ADAMTSL1: variants seen among roughly 807,000 people sequenced by gnomAD.
The protein encoded by ADAMTSL1 is ADAMTS-like protein 1.
ADAMTSL1 carries 126 observed loss-of-function variants against 201.8 expected under a neutral mutation model. The observed-to-expected ratio is 0.62, with a 90% CI of 0.54 to 0.72. The LOEUF (loss-of-function observed/expected upper bound fraction) is 0.72. ADAMTSL1 is among the 30% of genes least tolerant of loss of function. ADAMTSL1 has a pLI of 0.00. For missense variants in ADAMTSL1, 2,679 were observed against 2,277.8 expected (o/e 1.18, Z -3.59); for synonymous variants, 1,121 against 903.4 (o/e 1.24, Z -4.32).
At chr9:18,141,121 G>T (rs1246095972) in intron 1 of ADAMTSL1, among the ~76,000 whole-genome samples, 1 of 152,206 alleles carries the variant, frequency 6.6e-6, no homozygotes, top group African/African-American at 2.4e-5. Flanking sequence ...TGGGCTCGAA[G>T]CTAGTAGTGT....
intron 2 of ADAMTSL1, among the ~76,000 whole-genome samples, chr9:18,459,322 G>T (rs1365343244): frequency 6.6e-6 from 1 of 152,056 alleles, no homozygotes; most frequent in Non-Finnish European, 1.5e-5. Context: ...GTATTTCATT[G>T]GTCAGACTTT....
At chr9:18,839,086 A>G (rs1457074844) in intron 23 of ADAMTSL1, among the ~76,000 whole-genome samples, 2 of 149,900 alleles carry the variant, frequency 1.3e-5, no homozygotes, top group African/African-American at 2.5e-5. Context: ...CACAATGTGC[A>G]GGTTACTTAC....
At chr9:17,979,188 A>C (rs1316269904) in intron 1 of ADAMTSL1, among the ~76,000 whole-genome samples, 1 of 152,134 alleles carries the variant, frequency 6.6e-6, no homozygotes, top group African/African-American at 2.4e-5. Context: ...TTCAGGATTC[A>C]TAAACCTGGA....
chr9:18,642,669 T>TA (rs1405431146), intron 7 of ADAMTSL1, among the ~76,000 whole-genome samples: 14 of 152,040 alleles, frequency 9.2e-5, no homozygotes, highest in African/African-American at 3.4e-4. Context: ...GAAGTATTAT[T>TA]AATATCACGC....
intron 7 of ADAMTSL1, among the ~76,000 whole-genome samples, chr9:18,653,521 A>T (rs1402794583): frequency 6.6e-6 from 1 of 151,748 alleles, no homozygotes; most frequent in Non-Finnish European, 1.5e-5. Flanking sequence ...TATGCCTGGA[A>T]TGCTGGCACT....
At chr9:18,746,839 G>T (rs1002646274) in intron 15 of ADAMTSL1, among the ~76,000 whole-genome samples, 7 of 151,420 alleles carry the variant, frequency 4.6e-5, no homozygotes, top group Non-Finnish European at 8.8e-5. Context: ...GCCAAGAAGG[G>T]TCAACCATCA....
At chr9:18,335,283 C>T (rs1586913810) in intron 2 of ADAMTSL1, among the ~76,000 whole-genome samples, 1 of 152,046 alleles carries the variant, frequency 6.6e-6, no homozygotes, top group Non-Finnish European at 1.5e-5. Context: ...ATATTCTAGG[C>T]AGCTATTCAA....
intron 1 of ADAMTSL1, among the ~76,000 whole-genome samples, chr9:17,990,473 C>T (rs1409423297): frequency 6.6e-6 from 1 of 152,020 alleles, no homozygotes; most frequent in Non-Finnish European, 1.5e-5. Flanking sequence ...TGAACTATTA[C>T]TCCACAATAG....
rs1819588114 is a variant in ADAMTSL1, at chr9:18,753,615, A to G, written c.2217+107A>G. 5.5e-5 allele frequency: 68 copies of G among 1,229,810 alleles called. No homozygotes were observed. In the South Asian group the frequency reaches 8.7e-4, roughly 16 times the overall value. 76.2% of individuals were successfully genotyped at this position (1,229,810 alleles called of 1,614,324 possible). ...GTCCAGGGATGTTAAAGGGATGTTC[A>G]AGATCTGCTCATTTCTCCCTTCTTA... On this transcript the variant is annotated intron_variant, in intron 16 of 28. Transcript: ENST00000380548.
chr9:18,661,807 CT>C, intron 8 of ADAMTSL1, 127 bp from the exon 9 acceptor site: 2 of 1,027,090 alleles, frequency 1.9e-6, no homozygotes, highest in Non-Finnish European at 1.4e-6. Flanking sequence ...AATTATGTGT[CT>C]TTTTTCCTGG....
chr9:18,804,933 TAAA>T, intron 20 of ADAMTSL1, among the ~76,000 whole-genome samples: 1 of 152,360 alleles, frequency 6.6e-6, no homozygotes, highest in African/African-American at 2.4e-5. Context: ...AAAAATGTGT[TAAA>T]TTTATAATAC....
intron 2 of ADAMTSL1, among the ~76,000 whole-genome samples, chr9:18,367,074 C>A (rs760411301): frequency 3.3e-5 from 5 of 152,164 alleles, no homozygotes; most frequent in Non-Finnish European, 5.9e-5. Flanking sequence ...GCTCTTGCTG[C>A]CTTTTTCTTC....
At chr9:18,677,960 G>A (rs1830220543) in intron 10 of ADAMTSL1, among the ~76,000 whole-genome samples, 1 of 151,964 alleles carries the variant, frequency 6.6e-6, no homozygotes, top group South Asian at 2.1e-4. Flanking sequence ...GTTCTCAAAT[G>A]GCAGCTACCC....
At chr9:18,194,617 A>C (rs967241899) in intron 2 of ADAMTSL1, among the ~76,000 whole-genome samples, 3 of 152,066 alleles carry the variant, frequency 2.0e-5, no homozygotes, top group African/African-American at 7.2e-5. Context: ...ACCCTCCAGC[A>C]TCTTTTTCTT....
chr9:18,234,699 T>A (rs1325102849), intron 2 of ADAMTSL1, among the ~76,000 whole-genome samples: 2 of 152,120 alleles, frequency 1.3e-5, no homozygotes, highest in Non-Finnish European at 2.9e-5. Flanking sequence ...ACCAAACACC[T>A]CTTAGGAGTG....
intron 2 of ADAMTSL1, among the ~76,000 whole-genome samples, chr9:18,272,703 C>T (rs534326367): frequency 6.6e-6 from 1 of 152,296 alleles, no homozygotes; most frequent in South Asian, 2.1e-4. Context: ...TACCACTTCA[C>T]AGAAAAATGG....
intron 2 of ADAMTSL1, among the ~76,000 whole-genome samples, chr9:18,439,959 C>T (rs1819924450): frequency 6.6e-6 from 1 of 152,214 alleles, no homozygotes; most frequent in South Asian, 2.1e-4. Flanking sequence ...CTACTTCACA[C>T]CATCCAGTAA....
At chr9:18,572,855 T>C (rs1822426060) in intron 3 of ADAMTSL1, among the ~76,000 whole-genome samples, 1 of 152,176 alleles carries the variant, frequency 6.6e-6, no homozygotes, top group Admixed American at 6.5e-5. Context: ...AAATCCTTTA[T>C]TTAAAACAAA....
At chr9:18,013,075 G>T (rs758284883) in intron 1 of ADAMTSL1, among the ~76,000 whole-genome samples, 1 of 151,414 alleles carries the variant, frequency 6.6e-6, no homozygotes, top group South Asian at 2.1e-4. Context: ...GTATCATAAG[G>T]GTATTATTCC....
Sources: allele counts gnomAD v4.1 joint callset (sites outside exome capture counted in the v4.1 genomes callset), GRCh38; gene constraint gnomAD v4.1.1; transcripts MANE v1.5; gene names NCBI Gene and HGNC (gene_info 2026-07-23, HGNC 2026-07-21).